BFSP1: variants seen among roughly 807,000 people sequenced by gnomAD.
BFSP1 encodes beaded filament structural protein 1.
Under a neutral mutation model 43.9 loss-of-function variants are expected in BFSP1, and 38 were observed. That is an observed-to-expected ratio of 0.87 (90% CI 0.67 to 1.14). The LOEUF (loss-of-function observed/expected upper bound fraction) is 1.14. Among genes scored for constraint, BFSP1 ranks in the 50% most tolerant of loss-of-function variants. The probability of loss-of-function intolerance (pLI) is 0.00; values close to 1 mark genes in which losing one functional copy is unlikely to be tolerated. For missense variants in BFSP1, 850 were observed against 875.1 expected, an observed-to-expected ratio of 0.97 and a Z score of 0.36; for synonymous variants, 352 against 354.8, an observed-to-expected ratio of 0.99 and a Z score of 0.09.
At chr20:17,543,246 C>T (rs1418814973) in intron 1 of BFSP1, among the ~76,000 whole-genome samples, 11 of 152,038 alleles carry the variant, frequency 7.2e-5, no homozygotes, top group African/African-American at 2.4e-4. Context: ...TGTCTTTTGC[C>T]GTGTAACAAA....
intron 5 of BFSP1, among the ~76,000 whole-genome samples, chr20:17,505,278 C>T (rs141157849): frequency 6.6e-6 from 1 of 152,332 alleles, no homozygotes; most frequent in Non-Finnish European, 1.5e-5. Flanking sequence ...AGACTGAGCC[C>T]GCAGAGCCAC....
intron 5 of BFSP1, among the ~76,000 whole-genome samples, chr20:17,506,338 C>G (rs2123475394): frequency 6.6e-6 from 1 of 152,184 alleles, no homozygotes; most frequent in East Asian, 1.9e-4. Context: ...ACCCAGACTT[C>G]CCACCTACAC....
intron 6 of BFSP1, among the ~76,000 whole-genome samples, chr20:17,497,512 G>GTATA: frequency 7.2e-6 from 1 of 139,360 alleles, no homozygotes; most frequent in Admixed American, 7.1e-5. Flanking sequence ...GTATATATAC[G>GTATA]TATATATATA....
rs934136350 is a variant in BFSP1 at position 17,525,621 on chromosome 20, G to A, written c.378-713C>T. On this transcript the variant is annotated intron_variant, in intron 1 of 7. Coordinates refer to ENST00000377873, the MANE Select transcript of BFSP1 (RefSeq NM_001195.5). This position sits in a 1 kb window ranked among gnomAD's most constrained non-coding sequence, Gnocchi z 4.2. The stretch of plus-strand genomic sequence containing the variant: ...AAGTACCCCAGCTCCTTTTCTGCTC[G>A]GCTGGGACAACTGAGGCACGTCCCT... 3.3e-5 allele frequency among the ~76,000 whole-genome samples: 5 copies of A among 152,122 alleles called. No homozygotes were observed. Among genetic ancestry groups the A allele is most frequent in the Non-Finnish European group, 7.4e-5 (5 of 68,018 alleles).
intron 1 of BFSP1, among the ~76,000 whole-genome samples, chr20:17,547,671 T>C (rs539909656): frequency 1.3e-5 from 2 of 152,278 alleles, no homozygotes; most frequent in African/African-American, 4.8e-5. Context: ...ACCAGCCTCC[T>C]GCTGTCTAAA....
intron 4 of BFSP1, 135 bp downstream of exon 4, chr20:17,511,841 T>G: frequency 1.6e-6 from 1 of 611,316 alleles, no homozygotes; most frequent in Non-Finnish European, 2.9e-6. Flanking sequence ...AAACTTCAGA[T>G]GAGAATACAA....
chr20:17,533,040 A>G (rs1009255973), upstream of BFSP1, among the ~76,000 whole-genome samples: 5 of 152,000 alleles, frequency 3.3e-5, no homozygotes, highest in African/African-American at 1.2e-4. Flanking sequence ...TTATTGTTCT[A>G]TTTTCTTAAA....
chr20:17,537,276 C>T (rs1260199118), intron 1 of BFSP1, among the ~76,000 whole-genome samples: 1 of 152,186 alleles, frequency 6.6e-6, no homozygotes, highest in African/African-American at 2.4e-5. Context: ...CCCTGGCTCC[C>T]GGATCCCTAC....
chr20:17,525,139 T>C lies in BFSP1; in HGVS notation c.378-231A>G, dbSNP rs140062838. ...GGGTAACCAGGGGCAGTTAGCGGAA[T>C]AGGAGTCTCCCAGCCCGAAGGCACC... On this transcript the variant is annotated intron_variant, in intron 1 of 7. Transcript: ENST00000377873. The surrounding 1 kb of genome is among the most constrained non-coding windows in gnomAD (Gnocchi z 4.2). Among the ~76,000 whole-genome samples the C allele has an allele frequency of 4.1e-4, 63 of 152,214 alleles. 1 individual carries two copies. In the East Asian group the frequency reaches 9.3e-3, roughly 22 times the overall value.
intron 5 of BFSP1, among the ~76,000 whole-genome samples, chr20:17,500,783 T>C (rs2033779499): frequency 6.6e-6 from 1 of 151,864 alleles, no homozygotes; most frequent in Non-Finnish European, 1.5e-5. Context: ...TAAAAAAGAG[T>C]CAAGAAGCTT....
intron 1 of BFSP1, among the ~76,000 whole-genome samples, chr20:17,568,734 G>A (rs2086207861): frequency 6.6e-6 from 1 of 152,068 alleles, no homozygotes; most frequent in Non-Finnish European, 1.5e-5. Context: ...CGAGGGTAAT[G>A]AGAAATGGGT....
intron 1 of BFSP1, 82 bp downstream of exon 1, chr20:17,530,871 C>A: frequency 7.7e-7 from 1 of 1,292,296 alleles, no homozygotes; most frequent in Non-Finnish European, 9.8e-7. Context: ...TCCACCCCTG[C>A]ATGGTAGCAG....
Position 17,494,347 on chromosome 20 carries a change from C to T in BFSP1, c.1725G>A (p.Met575Ile). ...RDEESRRPCA[M>I]VTPGAEEPSI... ...ATGGTTCCTCTGCACCGGGTGTGAC[C>T]ATGGCACAGGGTCTCCTGGACTCTT... Residue 575 changes from methionine (M) to isoleucine (I), a missense_variant, in exon 8 of 8, where the codon ATG (methionine) becomes ATA (isoleucine). Coordinates refer to ENST00000377873, the MANE Select transcript of BFSP1 (RefSeq NM_001195.5). 1 of 1,614,164 alleles carries T rather than the reference C, an allele frequency of 6.2e-7. No individual in the cohort carries two copies. The highest frequency in any genetic ancestry group is 1.3e-5 in the African/African-American group (1 of 75,044).
chr20:17,562,934 T>C (rs1025264061), upstream of BFSP1: 1 of 152,234 alleles, frequency 6.6e-6, no homozygotes, highest in Non-Finnish European at 1.5e-5. Context: ...ACTTTGCCAA[T>C]TAACCTCCTC....
At chr20:17,497,152 T>C (rs1169937446) in intron 6 of BFSP1, 129 bp from the exon 7 acceptor site, 2 of 629,418 alleles carry the variant, frequency 3.2e-6, no homozygotes, top group Non-Finnish European at 5.3e-6. Flanking sequence ...GATATCATTT[T>C]AAACAGACAG....
In BFSP1 at chr20:17,507,816, G is replaced by A. The variant is rs1238898993; in HGVS notation, c.735+1073C>T. On this transcript the variant is annotated intron_variant, in intron 5 of 7. Transcript: ENST00000377873. This position sits in a 1 kb window ranked among gnomAD's most constrained non-coding sequence, Gnocchi z 4.4. ...TGCCTTACTTGGTTCCTCCTGCTGC[G>A]ATCGTCAGTTCAGGGGACCACCACA... is the stretch of plus-strand genomic sequence containing the variant. Among the ~76,000 whole-genome samples, 3 of 152,154 alleles carry A rather than the reference G, an allele frequency of 2.0e-5. No homozygotes were observed. Among genetic ancestry groups the A allele is most frequent in the Non-Finnish European group, 4.4e-5 (3 of 68,032 alleles).
At chr20:17,534,903 C>CTCGGAGTAGTCT (rs1330823620), upstream of BFSP1, among the ~76,000 whole-genome samples, 1 of 151,960 alleles carries the variant, frequency 6.6e-6, no homozygotes, top group African/African-American at 2.4e-5. Context: ...GCCTGTAGTC[C>CTCGGAGTAGTCT]CAGCTACTCG....
chr20:17,561,890 C>T (rs1009732640), upstream of BFSP1, among the ~76,000 whole-genome samples: 10 of 152,006 alleles, frequency 6.6e-5, no homozygotes, highest in Non-Finnish European at 1.0e-4. Context: ...AACAAATGTC[C>T]GTCTTTCTAG....
At chr20:17,557,192 G>C (rs370531601) in intron 1 of BFSP1, among the ~76,000 whole-genome samples, 3 of 152,224 alleles carry the variant, frequency 2.0e-5, no homozygotes, top group African/African-American at 7.2e-5. Context: ...AGAGGGCCAG[G>C]CCGTGCAAAG....
Sources: gnomAD v4.1 joint callset for allele counts (sites outside exome capture counted in the v4.1 genomes callset) on GRCh38, gnomAD v4.1.1 for gene constraint, Gnocchi (gnomAD v3.1) non-coding constraint, MANE v1.5 for transcripts, NCBI Gene and HGNC (gene_info 2026-07-23, HGNC 2026-07-21) for gene names.